The following SGCD variants were observed in gnomAD, a reference collection of about 807,000 sequenced individuals.
The protein encoded by SGCD is sarcoglycan delta, also known as delta-sarcoglycan.
In SGCD, 18 loss-of-function variants were observed where a neutral mutation model predicts 36.6. The observed-to-expected ratio is 0.49, with a 90% CI of 0.34 to 0.73. The LOEUF (loss-of-function observed/expected upper bound fraction) is 0.73, where lower values mean the gene tolerates loss of function less well. Among genes scored for constraint, SGCD ranks in the 30% least tolerant of loss-of-function variants. SGCD has a pLI of 0.01. For missense variants in SGCD, 387 were observed against 346.7 expected, an observed-to-expected ratio of 1.12 and a Z score of -0.92; for synonymous variants, 133 against 130.6, an observed-to-expected ratio of 1.02 and a Z score of -0.12.
chr5:156,365,928 GTGTA>G (rs762641809), intron 3 of SGCD, among the ~76,000 whole-genome samples: 63 of 152,260 alleles, frequency 4.1e-4, no homozygotes, highest in Admixed American at 2.0e-3. Context: ...ACATGTAAAT[GTGTA>G]TGTATGTATG....
At chr5:155,908,041 AG>A (rs1176551948) in intron 1 of SGCD, among the ~76,000 whole-genome samples, 1 of 152,172 alleles carries the variant, frequency 6.6e-6, no homozygotes, top group Non-Finnish European at 1.5e-5. Flanking sequence ...ATCGACATTG[AG>A]GCAAGACCCT....
intron 3 of SGCD, among the ~76,000 whole-genome samples, chr5:156,229,945 A>G (rs570380493): frequency 4.6e-5 from 7 of 152,160 alleles, no homozygotes; most frequent in Admixed American, 2.6e-4. Flanking sequence ...TACTTGTTCA[A>G]TTCTATTGCT....
At chr5:156,222,875 A>T (rs1184942100) in intron 3 of SGCD, among the ~76,000 whole-genome samples, 2 of 152,052 alleles carry the variant, frequency 1.3e-5, no homozygotes, top group Non-Finnish European at 2.9e-5. Context: ...ACAAATGTTA[A>T]ATTATCATTC....
intron 3 of SGCD, among the ~76,000 whole-genome samples, chr5:156,453,078 C>T (rs1034747734): frequency 6.6e-6 from 1 of 151,986 alleles, no homozygotes; most frequent in Non-Finnish European, 1.5e-5. Flanking sequence ...AATGTCATTG[C>T]CAGATGACAT....
intron 1 of SGCD, among the ~76,000 whole-genome samples, chr5:156,043,947 G>A (rs954374557): frequency 2.6e-5 from 4 of 152,118 alleles, no homozygotes; most frequent in East Asian, 1.9e-4. Flanking sequence ...GGAGAAAACC[G>A]AGAATTTTTT....
intron 1 of SGCD, among the ~76,000 whole-genome samples, chr5:155,991,471 A>G (rs1758431221): frequency 6.6e-6 from 1 of 152,192 alleles, no homozygotes; most frequent in African/African-American, 2.4e-5. Flanking sequence ...TTTTTGGCCA[A>G]CAAATTGATG....
At chr5:156,745,376 G>A (rs955520655) in intron 7 of SGCD, among the ~76,000 whole-genome samples, 3 of 152,138 alleles carry the variant, frequency 2.0e-5, no homozygotes, top group Non-Finnish European at 4.4e-5. Context: ...ACCTGGATGG[G>A]CCTGAAATCT....
the SGCD span, among the ~76,000 whole-genome samples, chr5:155,799,404 T>A: frequency 6.6e-6 from 1 of 151,854 alleles, no homozygotes; most frequent in South Asian, 2.1e-4. Flanking sequence ...TTATTTTTTT[T>A]TTTTTTTGAG....
chr5:156,713,987 T>C (rs2113761053), intron 7 of SGCD, among the ~76,000 whole-genome samples: 1 of 152,352 alleles, frequency 6.6e-6, no homozygotes, highest in East Asian at 1.9e-4. Context: ...TGCTCTAGTT[T>C]CCTATTCACT....
chr5:156,183,941 C>T (rs73811534), intron 3 of SGCD, among the ~76,000 whole-genome samples: 4,010 of 152,178 alleles, frequency 0.026, 200 homozygotes, highest in African/African-American at 0.092. Context: ...TACAGATGTA[C>T]CTCAGCTTTC....
intron 7 of SGCD, among the ~76,000 whole-genome samples, chr5:156,720,548 C>T (rs994373507): frequency 5.9e-5 from 9 of 152,068 alleles, no homozygotes; most frequent in African/African-American, 9.7e-5. Flanking sequence ...AGAAGCAGCA[C>T]GGAGCCAGAT....
the SGCD span, among the ~76,000 whole-genome samples, chr5:155,744,271 C>T: frequency 1.3e-5 from 2 of 152,028 alleles, no homozygotes; most frequent in African/African-American, 4.8e-5. Context: ...ACCATCCTGG[C>T]TAACACGGTG....
chr5:156,689,344 G>A (rs1275041139), intron 7 of SGCD, among the ~76,000 whole-genome samples: 1 of 152,124 alleles, frequency 6.6e-6, no homozygotes, highest in Non-Finnish European at 1.5e-5. Context: ...TTTTTGGATA[G>A]CCTTCTGATG....
intron 3 of SGCD, among the ~76,000 whole-genome samples, chr5:156,484,999 A>G (rs149595537): frequency 8.2e-4 from 125 of 152,342 alleles, no homozygotes; most frequent in African/African-American, 2.8e-3. Context: ...TATCTGCCAT[A>G]TAACCTTTGG....
At chr5:156,215,135 G>GT (rs1169368660) in intron 3 of SGCD, among the ~76,000 whole-genome samples, 1 of 152,030 alleles carries the variant, frequency 6.6e-6, no homozygotes, top group African/African-American at 2.4e-5. Context: ...ATGCTCAACT[G>GT]TTAAATCTAA....
At chr5:156,537,323 C>G (rs1386221646) in intron 4 of SGCD, among the ~76,000 whole-genome samples, 1 of 152,030 alleles carries the variant, frequency 6.6e-6, no homozygotes. Context: ...AGCAGGGGCC[C>G]TATCCTGCCT....
chr5:155,890,265 C>T (rs950652354), intron 1 of SGCD, among the ~76,000 whole-genome samples: 1 of 150,612 alleles, frequency 6.6e-6, no homozygotes, highest in East Asian at 2.0e-4. Context: ...ATAGGAAACT[C>T]ATTATGGCCA....
chr5:156,520,880 G>A (rs566056308), intron 4 of SGCD, among the ~76,000 whole-genome samples: 3 of 152,012 alleles, frequency 2.0e-5, no homozygotes, highest in Non-Finnish European at 4.4e-5. Flanking sequence ...AGCTGGGTGT[G>A]CTGGTGGGTG....
chr5:155,985,828 G>A (rs1758317807), intron 1 of SGCD, among the ~76,000 whole-genome samples: 1 of 152,166 alleles, frequency 6.6e-6, no homozygotes, highest in Non-Finnish European at 1.5e-5. Flanking sequence ...GGAACTGGTG[G>A]ACAGTTGTGC....
Sources: allele counts gnomAD v4.1 joint callset (sites outside exome capture counted in the v4.1 genomes callset), GRCh38; gene constraint gnomAD v4.1.1; transcripts MANE v1.5; gene names NCBI Gene and HGNC (gene_info 2026-07-23, HGNC 2026-07-21).